The following CYB5D1 variants were observed in gnomAD, a reference collection of about 807,000 sequenced individuals.
The protein encoded by CYB5D1 is cytochrome b5 domain-containing protein 1.
A neutral mutation model predicts 24.3 loss-of-function variants in CYB5D1; 30 were observed. The observed-to-expected ratio is 1.23, with a 90% CI of 0.92 to 1.67. CYB5D1 has a LOEUF of 1.67. CYB5D1 is among the 40% of genes most tolerant of loss of function. CYB5D1 has a pLI of 0.00. For missense variants in CYB5D1, 265 were observed against 296.7 expected (o/e 0.89, Z 0.79); for synonymous variants, 128 against 123.2 (o/e 1.04, Z -0.26).
At chr17:7,858,916 C>A in intron 3 of CYB5D1, 92 bp downstream of exon 3, 3 of 1,187,244 alleles carry the variant, frequency 2.5e-6, no homozygotes, top group South Asian at 3.3e-5. Context: ...TTTCCATAAC[C>A]GGTGGGAGTG....
chr17:7,858,437 A>C lies in CYB5D1; in HGVS notation c.195A>C (p.Ala65=). 6.2e-7 allele frequency: 1 copy of C among 1,614,216 alleles called. No individual in the cohort carries two copies. Among genetic ancestry groups the C allele is most frequent in the Non-Finnish European group, 8.5e-7 (1 of 1,180,044 alleles). The change falls in exon 2 of 4, where the codon GCA becomes GCC. Residue 65 remains alanine (A), a synonymous_variant. Coordinates refer to ENST00000332439, the MANE Select transcript of CYB5D1 (RefSeq NM_144607.6). ...TGCTGAAACCCATCGTGGAAGTTGC[A>C]GGCCAGGATATCAGCCACTGGTTTG... ...NLLLKPIVEV[A]GQDISHWFDP... is the part of the protein sequence containing the mutation.
chr17:7,859,229 C>A, intron 3 of CYB5D1, 153 bp from the exon 4 acceptor site: 1 of 636,512 alleles, frequency 1.6e-6, no homozygotes, highest in Non-Finnish European at 2.7e-6. Flanking sequence ...ACTTTAGGGT[C>A]TGCTCATTGC....
rs377701402 is a variant in CYB5D1 at position 7,858,761 on chromosome 17, G to C, written c.393G>C (p.Leu131=). 1.7e-5 allele frequency: 27 copies of C among 1,596,142 alleles called. No individual in the cohort carries two copies. Among genetic ancestry groups the C allele is most frequent in the Non-Finnish European group, 2.2e-5 (26 of 1,170,906 alleles). ...WQGSYYEVGR[L]SAKTRSIRII... ...GGTCGTATTATGAGGTGGGGCGGCTGTCTGCCAAGACCCGGAGCATCCGCA... is the reference window on the plus strand; with the variant it reads ...GGTCGTATTATGAGGTGGGGCGGCTCTCTGCCAAGACCCGGAGCATCCGCA... Residue 131 remains leucine, a synonymous_variant, in exon 3 of 4, where the codon CTG becomes CTC. Coordinates refer to ENST00000332439, the MANE Select transcript of CYB5D1 (RefSeq NM_144607.6).
At position 7,860,952 on chromosome 17, in the gene CYB5D1, T is replaced by C. The variant is rs147820314; in HGVS notation, c.*1340T>C. On this transcript the variant is annotated 3_prime_UTR_variant, in exon 4 of 4. Coordinates refer to ENST00000332439, the MANE Select transcript of CYB5D1 (RefSeq NM_144607.6). ...TGGCGAGGGAGAAAAAGGAGGCAGTTTGCCACTTGGAGAAGATGAGGAAGA... is the reference window on the plus strand; with the variant it reads ...TGGCGAGGGAGAAAAAGGAGGCAGTCTGCCACTTGGAGAAGATGAGGAAGA... The C allele has an allele frequency of 6.6e-6, 1 of 152,196 alleles. No homozygotes were observed. The highest frequency in any genetic ancestry group is 2.4e-5 in the African/African-American group (1 of 41,504). 9.4% of individuals were successfully genotyped at this position (152,196 alleles called of 1,614,324 possible). A position where few individuals can be genotyped will look rare whatever the true frequency, so the allele number is the denominator to read the frequency against.
chr17:7,859,345 C>A, intron 3 of CYB5D1, 37 bp from the exon 4 acceptor site: 1 of 1,563,526 alleles, frequency 6.4e-7, no homozygotes, highest in South Asian at 1.1e-5. Context: ...ATACTCCATC[C>A]AGAATTCTGG....
In CYB5D1 at chr17:7,859,710, C is replaced by G; in HGVS notation, c.*98C>G. 9.6e-6 allele frequency: 10 copies of G among 1,043,384 alleles called. No homozygotes were observed. The highest frequency in any genetic ancestry group is 1.5e-5 in the Non-Finnish European group (10 of 685,202). The allele number at this position is 1,043,384 out of a possible 1,614,324, so 64.6% of individuals were successfully genotyped here. On this transcript the variant is annotated 3_prime_UTR_variant, in exon 4 of 4. Coordinates refer to ENST00000332439, the MANE Select transcript of CYB5D1 (RefSeq NM_144607.6). ...TGGTGGGGCCGAGGGGTGCCTGGAC[C>G]CAGATCTCCACTCCTCTCCAGGAGC...
chr17:7,859,541 C>T lies in CYB5D1; in HGVS notation c.616C>T (p.Leu206Phe), dbSNP rs142059605. 3.4e-3 allele frequency: 5,558 copies of T among 1,614,152 alleles called. 9 individuals are homozygous for T. Among genetic ancestry groups the T allele is most frequent in the Non-Finnish European group, 4.2e-3 (4,953 of 1,180,014 alleles). The change falls in exon 4 of 4, where the codon CTC becomes TTC. Residue 206 changes from leucine to phenylalanine, a missense_variant. Leu to Phe is a conservative substitution (Grantham distance 22). Transcript: ENST00000332439. ...IRDEEEEFDYLSMDGTLHTPA... is the reference protein window; with the variant it reads ...IRDEEEEFDYFSMDGTLHTPA... The stretch of plus-strand genomic sequence containing the variant: ...GGATGAGGAGGAAGAATTTGACTAT[C>T]TCAGTATGGACGGTACACTTCACAC...
chr17:7,859,453 C>T lies in CYB5D1; in HGVS notation c.528C>T (p.Tyr176=), dbSNP rs771407560. ...CCTATAACTCACATGCTGCCAGCTA[C>T]ACGTGGAAATATGAAGGGAAGAACC... ...YLPYNSHAAS[Y]TWKYEGKNLN... Residue 176 remains tyrosine (Y), a synonymous_variant, in exon 4 of 4, where the codon TAC becomes TAT. Transcript: ENST00000332439. The T allele has an allele frequency of 6.2e-7, 1 of 1,614,090 alleles. No homozygotes were observed. The highest frequency in any genetic ancestry group is 8.5e-7 in the Non-Finnish European group (1 of 1,180,038).
intron 3 of CYB5D1, 127 bp from the exon 4 acceptor site, chr17:7,859,255 C>CT (rs970247546): frequency 1.2e-4 from 88 of 717,800 alleles, no homozygotes; most frequent in Non-Finnish European, 1.6e-4. Flanking sequence ...GGAGTTTCAG[C>CT]TTTTTTTTCC....
Position 7,860,627 on chromosome 17 carries a change from C to T in CYB5D1, c.*1015C>T, listed in dbSNP as rs2078875942. On this transcript the variant is annotated 3_prime_UTR_variant, in exon 4 of 4. Transcript: ENST00000332439. ...CTAATCTCATGTTAACATTTGTAGC[C>T]ACTGCTCTCAGCAAGTATTTGGGAT... is the stretch of plus-strand genomic sequence containing the variant. The T allele has an allele frequency of 6.6e-6, 1 of 152,132 alleles. No homozygotes were observed. Among genetic ancestry groups the T allele is most frequent in the South Asian group, 2.1e-4 (1 of 4,824 alleles). 9.4% of individuals were successfully genotyped at this position (152,132 alleles called of 1,614,324 possible). A position where few individuals can be genotyped will look rare whatever the true frequency, so the allele number is the denominator to read the frequency against.
chr17:7,859,103 T>G (rs1567813212), intron 3 of CYB5D1: 4 of 574,642 alleles, frequency 7.0e-6, no homozygotes, highest in Non-Finnish European at 1.2e-5. Context: ...CACGCCGTTT[T>G]GGACAGCAAT....
At position 7,859,544 on chromosome 17, in the gene CYB5D1, A is replaced by G. The variant is rs778198217; in HGVS notation, c.619A>G (p.Ser207Gly). The change falls in exon 4 of 4, where the codon AGT becomes GGT. Residue 207 changes from serine (S) to glycine (G), a missense_variant. Ser to Gly is a moderately conservative substitution (Grantham distance 56, BLOSUM62 0). Transcript: ENST00000332439. ...RDEEEEFDYLSMDGTLHTPAI... is the reference protein window; with the variant it reads ...RDEEEEFDYLGMDGTLHTPAI... ...TGAGGAGGAAGAATTTGACTATCTC[A>G]GTATGGACGGTACACTTCACACACC... 6.2e-7 allele frequency: 1 copy of G among 1,614,064 alleles called. No individual in the cohort carries two copies. Among genetic ancestry groups the G allele is most frequent in the South Asian group, 1.1e-5 (1 of 91,086 alleles).
rs555634732 is a variant in CYB5D1, at chr17:7,858,371, G to A, written c.161-32G>A. ...CGTTTGCCTGGTTCTCGAAGGGCTG[G>A]CATTGACAGTGGCTGTGCTGCTCTT... is the stretch of plus-strand genomic sequence containing the variant. On this transcript the variant is annotated intron_variant, in intron 1 of 3. Coordinates refer to ENST00000332439, the MANE Select transcript of CYB5D1 (RefSeq NM_144607.6). The A allele has an allele frequency of 1.3e-5, 21 of 1,614,128 alleles. No homozygotes were observed. The East Asian group carries it at 4.0e-4, about 31-fold the overall frequency.
intron 1 of CYB5D1, 27 bp from the exon 2 acceptor site, chr17:7,858,376 G>A: frequency 6.2e-7 from 1 of 1,614,132 alleles, no homozygotes; most frequent in South Asian, 1.1e-5. Flanking sequence ...GGCTGGCATT[G>A]ACAGTGGCTG....
chr17:7,858,394 C>G lies in CYB5D1; in HGVS notation c.161-9C>G, dbSNP rs557990456. 1 of 1,614,154 alleles carries G rather than the reference C, an allele frequency of 6.2e-7. No homozygotes were observed. Among genetic ancestry groups the G allele is most frequent in the African/African-American group, 1.3e-5 (1 of 75,054 alleles). On this transcript the variant is annotated splice_polypyrimidine_tract_variant and intron_variant, in intron 1 of 3. Coordinates refer to ENST00000332439, the MANE Select transcript of CYB5D1 (RefSeq NM_144607.6). ...TGGCATTGACAGTGGCTGTGCTGCT[C>G]TTTTCAAGGGAACCTGCTGCTGAAA...
Position 7,858,664 on chromosome 17 carries a change from G to C in CYB5D1, c.296G>C (p.Arg99Pro). The change falls in exon 3 of 4, where the codon CGC becomes CCC. Residue 99 changes from arginine to proline, a missense_variant. Physicochemically the swap from Arg to Pro is moderately radical, Grantham distance 103. Coordinates refer to ENST00000332439, the MANE Select transcript of CYB5D1 (RefSeq NM_144607.6). ...GCLRYCTPRG[R>P]FVHVPPQLPC... ...CTGAGGTACTGCACCCCGCGGGGCC[G>C]CTTTGTGCACGTTCCGCCTCAGCTG... 2.5e-6 allele frequency: 4 copies of C among 1,610,114 alleles called. No individual in the cohort carries two copies. Among genetic ancestry groups the C allele is most frequent in the Non-Finnish European group, 3.4e-6 (4 of 1,177,650 alleles).
rs1048619318 is a variant in CYB5D1, at chr17:7,860,698, A to G, written c.*1086A>G. 6.6e-6 allele frequency: 1 copy of G among 152,150 alleles called. No individual in the cohort carries two copies. Among genetic ancestry groups the G allele is most frequent in the Non-Finnish European group, 1.5e-5 (1 of 68,024 alleles). 9.4% of individuals were successfully genotyped at this position (152,150 alleles called of 1,614,324 possible). A position where few individuals can be genotyped will look rare whatever the true frequency, so the allele number is the denominator to read the frequency against. ...CTGCACAATAGGAAATTGTGGTCCTATTGTATAGTTTGCAGTTATTGTCTC... is the reference window on the plus strand; with the variant it reads ...CTGCACAATAGGAAATTGTGGTCCTGTTGTATAGTTTGCAGTTATTGTCTC... On this transcript the variant is annotated 3_prime_UTR_variant, in exon 4 of 4. Transcript: ENST00000332439.
At position 7,858,711 on chromosome 17, in the gene CYB5D1, G is replaced by T; in HGVS notation, c.343G>T (p.Asp115Tyr). Residue 115 changes from aspartate (D) to tyrosine (Y), a missense_variant, in exon 3 of 4, where the codon GAT becomes TAT. Physicochemically the swap from Asp to Tyr is radical, Grantham distance 160. Transcript: ENST00000332439. ...GCTGCCCTGTTCGGACTGGGCCAAC[G>T]ATTTTGGGAAGCCCTGGTGGCAGGG... is the stretch of plus-strand genomic sequence containing the variant. ...PQLPCSDWAN[D>Y]FGKPWWQGSY... 1.2e-6 allele frequency: 2 copies of T among 1,610,616 alleles called. No homozygotes were observed. Among genetic ancestry groups the T allele is most frequent in the Non-Finnish European group, 1.7e-6 (2 of 1,178,144 alleles).
chr17:7,858,301 G>C lies in CYB5D1; in HGVS notation c.160+7G>C. ...TTGGCACAGGAATACAAGGGTAAGGGCCACACGTTGGGCCGGGGCCGGAGT... is the reference window on the plus strand; with the variant it reads ...TTGGCACAGGAATACAAGGGTAAGGCCCACACGTTGGGCCGGGGCCGGAGT... On this transcript the variant is annotated splice_region_variant and intron_variant, in intron 1 of 3. Transcript: ENST00000332439. 1 of 1,613,982 alleles carries C rather than the reference G, an allele frequency of 6.2e-7. No individual in the cohort carries two copies. Among genetic ancestry groups the C allele is most frequent in the Middle Eastern group, 1.6e-4 (1 of 6,062 alleles).
Sources: allele counts gnomAD v4.1 joint callset, GRCh38; gene constraint gnomAD v4.1.1; transcripts MANE v1.5; gene names NCBI Gene and HGNC (gene_info 2026-07-23, HGNC 2026-07-21).